LHFPL1: variants seen among roughly 807,000 people sequenced by gnomAD.
LHFPL1 encodes the protein LHFPL tetraspan subfamily member 1.
LHFPL1 carries 4 observed loss-of-function variants against 12.1 expected under a neutral mutation model. The observed-to-expected ratio is 0.33, with a 90% CI of 0.16 to 0.76. The LOEUF is 0.76. LHFPL1 is among the 30% of genes least tolerant of loss of function. LHFPL1 has a pLI of 0.61. For synonymous variants in LHFPL1, 52 were observed against 61.9 expected (o/e 0.84, Z 0.75); for missense variants, 141 against 174.1 (o/e 0.81, Z 1.07).
At chrX:112,640,205 C>T (rs190088199) in intron 3 of LHFPL1, among the ~76,000 whole-genome samples, 1 of 110,965 alleles carries the variant, frequency 9.0e-6, no homozygotes, top group Non-Finnish European at 1.9e-5. Flanking sequence ...GAAGCAGAAA[C>T]GGGACAAGGA....
At chrX:112,679,297 A>T (rs1390555923) in intron 1 of LHFPL1, among the ~76,000 whole-genome samples, 1 of 111,934 alleles carries the variant, frequency 8.9e-6, no homozygotes, top group African/African-American at 3.3e-5. Flanking sequence ...ACATAGTAGG[A>T]ACTCATAAAT....
At chrX:112,639,866 AC>A (rs1189432884) in intron 3 of LHFPL1, among the ~76,000 whole-genome samples, 1 of 112,012 alleles carries the variant, frequency 8.9e-6, no homozygotes, top group African/African-American at 3.2e-5. Flanking sequence ...TGTCAGCTAC[AC>A]CTGGAGCAGA....
intron 3 of LHFPL1, among the ~76,000 whole-genome samples, chrX:112,647,923 C>A (rs939657497): frequency 4.5e-5 from 5 of 111,663 alleles, no homozygotes; most frequent in African/African-American, 1.6e-4. Context: ...TGGAGCCAAC[C>A]CAAATGCCCA....
intron 3 of LHFPL1, among the ~76,000 whole-genome samples, chrX:112,649,570 T>A (rs765960533): frequency 8.9e-6 from 1 of 111,996 alleles, no homozygotes; most frequent in Non-Finnish European, 1.9e-5. Context: ...TTGACTGTAA[T>A]ATATCTTCCA....
intron 3 of LHFPL1, among the ~76,000 whole-genome samples, chrX:112,648,185 G>C (rs1800272214): frequency 9.7e-6 from 1 of 103,199 alleles, no homozygotes; most frequent in Admixed American, 1.1e-4. Flanking sequence ...GGGGTGGGGG[G>C]CTAGGGGAGG....
chrX:112,653,467 T>G (rs768320051), intron 3 of LHFPL1, among the ~76,000 whole-genome samples: 6 of 112,303 alleles, frequency 5.3e-5, no homozygotes, highest in Non-Finnish European at 1.1e-4. Context: ...ACATATTAAT[T>G]ATCGTTAACA....
intron 2 of LHFPL1, among the ~76,000 whole-genome samples, chrX:112,668,034 G>A (rs999819865): frequency 2.7e-5 from 3 of 111,197 alleles, no homozygotes; most frequent in African/African-American, 9.8e-5. Context: ...AACCAGACCT[G>A]ACAAAAATTG....
At position 112,660,789 on chromosome X, in the gene LHFPL1, T is replaced by TTTGGATTAG. The variant is rs199962215; in HGVS notation, c.383-73_383-65dup. 3,036 of 800,770 alleles carry TTTGGATTAG rather than the reference T, an allele frequency of 3.8e-3. 68 individuals are homozygous for TTTGGATTAG. In the African/African-American group the frequency reaches 0.053, roughly 14 times the overall value. 66.0% of individuals were successfully genotyped at this position (800,770 alleles called of 1,213,427 possible). The stretch of plus-strand genomic sequence containing the variant: ...CGTCTTCTGTCACCCCAACATTCCC[T>TTTGGATTAG]TTGGATTAGTTCAGCTCAAATTCTG... On this transcript the variant is annotated intron_variant, in intron 2 of 3. Transcript: ENST00000371968.
intron 3 of LHFPL1, among the ~76,000 whole-genome samples, chrX:112,649,429 G>A (rs1469718264): frequency 2.7e-5 from 3 of 111,833 alleles, no homozygotes; most frequent in Non-Finnish European, 5.6e-5. Context: ...AAGGCCATAA[G>A]CCTCCTCCAA....
At chrX:112,662,470 G>A (rs937345985) in intron 2 of LHFPL1, among the ~76,000 whole-genome samples, 19 of 112,043 alleles carry the variant, frequency 1.7e-4, no homozygotes, top group African/African-American at 6.2e-4. Flanking sequence ...AAGCTTGGCT[G>A]CCCCACGGCA....
intron 1 of LHFPL1, among the ~76,000 whole-genome samples, chrX:112,673,408 G>C (rs1275861815): frequency 9.0e-6 from 1 of 111,578 alleles, no homozygotes; most frequent in South Asian, 3.8e-4. Flanking sequence ...AGTAATTGCT[G>C]TTAGACAGCA....
At chrX:112,643,080 TA>T (rs774495839) in intron 3 of LHFPL1, among the ~76,000 whole-genome samples, 24,482 of 82,724 alleles carry the variant, frequency 0.3, 4,103 homozygotes, top group African/African-American at 0.58. Context: ...CTGGGTAATT[TA>T]AAAAAAAAAA....
At chrX:112,636,407 G>A (rs1405403360) in intron 3 of LHFPL1, among the ~76,000 whole-genome samples, 2 of 112,139 alleles carry the variant, frequency 1.8e-5, no homozygotes, top group Non-Finnish European at 3.8e-5. Context: ...TCTACGTTGA[G>A]CAATCCTCAT....
chrX:112,676,725 C>G (rs1931664716), intron 1 of LHFPL1, among the ~76,000 whole-genome samples: 1 of 112,191 alleles, frequency 8.9e-6, no homozygotes, highest in African/African-American at 3.2e-5. Flanking sequence ...ATCTCCATTA[C>G]TTTTAAAGAA....
At chrX:112,637,091 T>C in intron 3 of LHFPL1, among the ~76,000 whole-genome samples, 1 of 112,076 alleles carries the variant, frequency 8.9e-6, no homozygotes, top group Non-Finnish European at 1.9e-5. Context: ...TTCTGTATCA[T>C]TTCTAACACT....
chrX:112,659,681 G>C (rs1014326762), intron 3 of LHFPL1, among the ~76,000 whole-genome samples: 1 of 111,862 alleles, frequency 8.9e-6, no homozygotes, highest in Admixed American at 9.5e-5. Flanking sequence ...CTAGTGGCTT[G>C]CTTCCCTTTC....
At chrX:112,638,629 T>C (rs1930413525) in intron 3 of LHFPL1, among the ~76,000 whole-genome samples, 2 of 111,763 alleles carry the variant, frequency 1.8e-5, no homozygotes, top group African/African-American at 6.5e-5. Context: ...ACACTAGACA[T>C]AGAGATCATG....
At chrX:112,651,138 A>G (rs1305377029) in intron 3 of LHFPL1, among the ~76,000 whole-genome samples, 1 of 111,946 alleles carries the variant, frequency 8.9e-6, no homozygotes, top group Non-Finnish European at 1.9e-5. Flanking sequence ...TACATGAAGA[A>G]TTTCCCATTA....
chrX:112,676,978 C>T (rs1014466214), intron 1 of LHFPL1, among the ~76,000 whole-genome samples: 6 of 111,933 alleles, frequency 5.4e-5, no homozygotes, highest in Admixed American at 9.5e-5. Context: ...TTCTCCCTCT[C>T]CCTGTGGTGT....
Sources: gnomAD v4.1 joint callset for allele counts (sites outside exome capture counted in the v4.1 genomes callset) on GRCh38, gnomAD v4.1.1 for gene constraint, MANE v1.5 for transcripts, NCBI Gene and HGNC (gene_info 2026-07-23, HGNC 2026-07-21) for gene names.